The following NRG2 variants were observed in gnomAD, a reference collection of about 807,000 sequenced individuals.
The protein encoded by NRG2 is pro-neuregulin-2, membrane-bound isoform.
In NRG2, 27 loss-of-function variants were observed where a neutral mutation model predicts 73.9. The observed-to-expected ratio is 0.37, with a 90% CI of 0.27 to 0.50. The LOEUF (loss-of-function observed/expected upper bound fraction) is 0.50, where lower values mean the gene tolerates loss of function less well. Ranked by LOEUF, NRG2 falls within the 20% of genes least tolerant of loss-of-function variation. NRG2 has a pLI of 0.96. For missense variants in NRG2, 1,126 were observed against 1,210.1 expected, an observed-to-expected ratio of 0.93 and a Z score of 1.03; for synonymous variants, 532 against 541.0, an observed-to-expected ratio of 0.98 and a Z score of 0.23.
rs200077911 is a variant in NRG2 at position 139,855,738 on chromosome 5, C to T, written c.1230G>A (p.Thr410=). 214 of 1,614,078 alleles carry T rather than the reference C, an allele frequency of 1.3e-4. No homozygotes were observed. The highest frequency in any genetic ancestry group is 1.6e-4 in the Non-Finnish European group (193 of 1,179,996). ...ELYQKRVLTI[T]GICVALLVVG... is the part of the protein sequence containing the mutation. ...CGACCAGCAGAGCCACGCAGATGCC[C>T]GTGATGGTCAGGACCCTCTTCTGGT... The change falls in exon 6 of 10, where the codon ACG becomes ACA. Residue 410 remains threonine, a synonymous_variant. Coordinates refer to ENST00000361474, the MANE Select transcript of NRG2 (RefSeq NM_004883.3).
rs1264856265 is a variant in NRG2, at chr5:139,848,375, T to C, written c.2095A>G (p.Ser699Gly). 8.8e-6 allele frequency: 11 copies of C among 1,243,214 alleles called. No individual in the cohort carries two copies. The highest frequency in any genetic ancestry group is 3.0e-6 in the Non-Finnish European group (3 of 999,476). The allele number at this position is 1,243,214 out of a possible 1,614,324, so 77.0% of individuals were successfully genotyped here. Residue 699 changes from serine to glycine, a missense_variant, in exon 10 of 10, where the codon AGC (serine) becomes GGC (glycine). Around this residue, in one of 3 missense-constraint regions of NRG2, gnomAD observed 402 missense variants for 357.8 expected, o/e 1.12. Transcript: ENST00000361474. ...ATGCGGAAGGGGCTGGCAGGCAGGC[T>C]GCCCAGGCTGCCGCCGAGCGCGCAG... ...GTCALGGSLG[S>G]LPASPFRIPE...
intron 1 of NRG2, among the ~76,000 whole-genome samples, chr5:139,899,930 C>T (rs1025569571): frequency 6.6e-6 from 1 of 152,154 alleles, no homozygotes; most frequent in South Asian, 2.1e-4. Context: ...TTTCTCTGCC[C>T]CAGTTTTCTC....
chr5:139,965,985 T>A (rs1008896212), intron 1 of NRG2, among the ~76,000 whole-genome samples: 1 of 152,162 alleles, frequency 6.6e-6, no homozygotes. Context: ...ATTTTTTTTT[T>A]ATATTTGCTT....
At position 139,915,040 on chromosome 5, in the gene NRG2, A is replaced by C. The variant is rs147105229; in HGVS notation, c.701-27529T>G. ...TCAAGGTTGCGATCCCTGCACTCCC[A>C]TACATGGCCCCAGGGTGTGGCTCCA... On this transcript the variant is annotated intron_variant, in intron 1 of 9. Coordinates refer to ENST00000361474, the MANE Select transcript of NRG2 (RefSeq NM_004883.3). This position sits in a 1 kb window ranked among gnomAD's most constrained non-coding sequence, Gnocchi z 4.0. 1.2e-3 allele frequency among the ~76,000 whole-genome samples: 177 copies of C among 152,300 alleles called. No homozygotes were observed. The highest frequency in any genetic ancestry group is 4.1e-3 in the African/African-American group (171 of 41,560).
intron 1 of NRG2, among the ~76,000 whole-genome samples, chr5:139,935,966 A>G (rs947438217): frequency 1.3e-5 from 2 of 151,540 alleles, no homozygotes; most frequent in Admixed American, 1.3e-4. Flanking sequence ...CTTAAAAAAA[A>G]AAAAAAAAAG....
chr5:139,979,864 GA>G (rs1329298691), intron 1 of NRG2, among the ~76,000 whole-genome samples: 9 of 152,192 alleles, frequency 5.9e-5, no homozygotes, highest in African/African-American at 2.2e-4. Flanking sequence ...CTGATACACA[GA>G]AACTGTGAGA....
At chr5:139,950,787 CA>C (rs1358185859) in intron 1 of NRG2, among the ~76,000 whole-genome samples, 1 of 152,128 alleles carries the variant, frequency 6.6e-6, no homozygotes, top group Non-Finnish European at 1.5e-5. Flanking sequence ...CTGAATGGAC[CA>C]CTCCTTTCCC....
At chr5:140,038,176 C>A in intron 1 of NRG2, among the ~76,000 whole-genome samples, 1 of 151,676 alleles carries the variant, frequency 6.6e-6, no homozygotes, top group Admixed American at 6.6e-5. Flanking sequence ...TTAAAATGCC[C>A]TAGATAAAAC....
At chr5:139,991,142 G>T (rs1056905581) in intron 1 of NRG2, among the ~76,000 whole-genome samples, 9 of 151,764 alleles carry the variant, frequency 5.9e-5, no homozygotes, top group Non-Finnish European at 1.0e-4. Context: ...GGCATGGTGT[G>T]GGGGGGTGCC....
intron 1 of NRG2, among the ~76,000 whole-genome samples, chr5:140,007,434 T>A (rs1758997541): frequency 6.6e-6 from 1 of 151,738 alleles, no homozygotes; most frequent in South Asian, 2.1e-4. Context: ...TCCAGAGCCA[T>A]AACAGACACA....
At chr5:139,950,540 C>G (rs974515646) in intron 1 of NRG2, among the ~76,000 whole-genome samples, 1 of 152,208 alleles carries the variant, frequency 6.6e-6, no homozygotes, top group African/African-American at 2.4e-5. Flanking sequence ...TCCTGGAGAA[C>G]CAGAGTAGGA....
intron 1 of NRG2, among the ~76,000 whole-genome samples, chr5:140,029,158 G>A (rs1760934197): frequency 6.6e-6 from 1 of 152,196 alleles, no homozygotes; most frequent in African/African-American, 2.4e-5. Context: ...AACTGTTGCT[G>A]TGTTAAGCTA....
In NRG2 at chr5:139,848,237, G is replaced by C; in HGVS notation, c.2233C>G (p.Arg745Gly). Residue 745 changes from arginine (R) to glycine (G), a missense_variant, in exon 10 of 10, where the codon CGC becomes GGC. This residue lies in a region of NRG2 where 402 missense variants were observed against 357.8 expected (regional missense o/e 1.12). Coordinates refer to ENST00000361474, the MANE Select transcript of NRG2 (RefSeq NM_004883.3). The stretch of plus-strand genomic sequence containing the variant: ...GCCGCCAGCCCGTTGAGGCGCGAGC[G>C]GCGCCAGCGCCGGGGCCCCGCCGAC... Reference protein sequence around the residue: ...RTSAGPRRWRRSRLNGLAAQR... With the variant: ...RTSAGPRRWRGSRLNGLAAQR... 8.6e-7 allele frequency: 1 copy of C among 1,156,642 alleles called. No individual in the cohort carries two copies. The highest frequency in any genetic ancestry group is 4.1e-5 in the East Asian group (1 of 24,502). The allele number at this position is 1,156,642 out of a possible 1,614,324, so 71.6% of individuals were successfully genotyped here.
intron 1 of NRG2, among the ~76,000 whole-genome samples, chr5:139,992,500 TA>T (rs1757710531): frequency 6.6e-6 from 1 of 152,200 alleles, no homozygotes; most frequent in Non-Finnish European, 1.5e-5. Context: ...GCACTGATGA[TA>T]GGGGGACCTT....
At position 139,856,844 on chromosome 5, in the gene NRG2, C is replaced by A. The variant is rs187812014; in HGVS notation, c.1190-1066G>T. Among the ~76,000 whole-genome samples, 24 of 152,288 alleles carry A rather than the reference C, an allele frequency of 1.6e-4. No homozygotes were observed. Among genetic ancestry groups the A allele is most frequent in the African/African-American group, 5.8e-4 (24 of 41,564 alleles). ...ACACACACAGAGTTAACCACACACTCCAGCAACAGGTGCACACACACGCCC... is the reference window on the plus strand; with the variant it reads ...ACACACACAGAGTTAACCACACACTACAGCAACAGGTGCACACACACGCCC... On this transcript the variant is annotated intron_variant, in intron 5 of 9. Coordinates refer to ENST00000361474, the MANE Select transcript of NRG2 (RefSeq NM_004883.3). This position sits in a 1 kb window ranked among gnomAD's most constrained non-coding sequence, Gnocchi z 4.2.
intron 1 of NRG2, among the ~76,000 whole-genome samples, chr5:139,980,538 C>T (rs1756718884): frequency 2.6e-5 from 4 of 152,156 alleles, no homozygotes; most frequent in Admixed American, 2.0e-4. Context: ...CATCCTCATG[C>T]CCACCATTCC....
chr5:139,852,884 G>T lies in NRG2; in HGVS notation c.1416+20C>A, dbSNP rs879064984. 1 of 1,613,206 alleles carries T rather than the reference G, an allele frequency of 6.2e-7. No homozygotes were observed. The highest frequency in any genetic ancestry group is 2.2e-5 in the East Asian group (1 of 44,856). ...CTGTCCACTGAGGGCTCAGAAGGGG[G>T]CCCCAGGAAAGCCACTCACATCTGC... On this transcript the variant is annotated intron_variant, in intron 7 of 9. Transcript: ENST00000361474. This position sits in a 1 kb window ranked among gnomAD's most constrained non-coding sequence, Gnocchi z 4.4.
intron 1 of NRG2, among the ~76,000 whole-genome samples, chr5:139,897,573 C>T (rs908355786): frequency 2.0e-5 from 3 of 152,164 alleles, no homozygotes; most frequent in African/African-American, 7.2e-5. Context: ...TGCAGAATCG[C>T]CGTGTTTCCT....
rs1751177293 is a variant in NRG2, at chr5:139,915,470, T to C, written c.701-27959A>G. On this transcript the variant is annotated intron_variant, in intron 1 of 9. Transcript: ENST00000361474. The surrounding 1 kb of genome is among the most constrained non-coding windows in gnomAD (Gnocchi z 4.0). ...TGGGTGGTGGCCAGGGTCCCCCAGG[T>C]CCTGCTTACATTCCACTGGTGCCTG... 6.6e-6 allele frequency among the ~76,000 whole-genome samples: 1 copy of C among 152,172 alleles called. No homozygotes were observed. Among genetic ancestry groups the C allele is most frequent in the South Asian group, 2.1e-4 (1 of 4,826 alleles).
Sources: gnomAD v4.1 joint callset for allele counts (sites outside exome capture counted in the v4.1 genomes callset) on GRCh38, gnomAD v4.1.1 for gene constraint, gnomAD v4.1.1 regional missense constraint, Gnocchi (gnomAD v3.1) non-coding constraint, MANE v1.5 for transcripts, NCBI Gene and HGNC (gene_info 2026-07-23, HGNC 2026-07-21) for gene names.